The following NR2E1 variants were observed in gnomAD, a reference collection of about 807,000 sequenced individuals.
NR2E1 encodes the protein nuclear receptor TLX.
NR2E1 carries 5 observed loss-of-function variants against 43.6 expected under a neutral mutation model. The ratio of observed to expected loss-of-function variants is 0.11; its 90% confidence interval spans 0.06 to 0.24. The LOEUF is 0.24. Among genes scored for constraint, NR2E1 ranks in the 10% least tolerant of loss-of-function variants. The probability of loss-of-function intolerance (pLI) is 1.00; values close to 1 mark genes in which losing one functional copy is unlikely to be tolerated. For missense variants in NR2E1, 287 were observed against 496.7 expected (o/e 0.58, Z 4.01); for synonymous variants, 191 against 195.5 (o/e 0.98, Z 0.19).
At chr6:108,186,250 C>G (rs1774073521) in intron 8 of NR2E1, among the ~76,000 whole-genome samples, 1 of 152,052 alleles carries the variant, frequency 6.6e-6, no homozygotes, top group Non-Finnish European at 1.5e-5. Flanking sequence ...AGTGAAAGAG[C>G]CAGCTGAGGT....
chr6:108,182,023 G>A (rs901359702), intron 8 of NR2E1, among the ~76,000 whole-genome samples: 1 of 152,096 alleles, frequency 6.6e-6, no homozygotes, highest in South Asian at 2.1e-4. Flanking sequence ...GGATCACGAG[G>A]TCAGAAGATC....
At chr6:108,170,807 T>C (rs1467294824) in intron 1 of NR2E1, among the ~76,000 whole-genome samples, 1 of 152,088 alleles carries the variant, frequency 6.6e-6, no homozygotes, top group Non-Finnish European at 1.5e-5. Context: ...GCGGAGAAAA[T>C]AATTTTTTCC....
At chr6:108,176,082 T>G in intron 3 of NR2E1, 1 of 177,118 alleles carries the variant, frequency 5.6e-6, no homozygotes, top group South Asian at 1.5e-4. Flanking sequence ...GCTGGAAAAG[T>G]CTGCGCAGAA....
chr6:108,176,582 G>C lies in NR2E1; in HGVS notation c.339G>C (p.Glu113Asp), dbSNP rs752997658. The stretch of plus-strand genomic sequence containing the variant: ...TCTACTTCCGTGGACACAAGGAGGA[G>C]AACGGGGCCGCCGCGCACTTTCCCT... ...VALYFRGHKE[E>D]NGAAAHFPSA... The change falls in exon 4 of 9, where the codon GAG becomes GAC. Residue 113 changes from glutamate (E) to aspartate (D), a missense_variant. Transcript: ENST00000368986. 6 of 1,613,014 alleles carry C rather than the reference G, an allele frequency of 3.7e-6. No individual in the cohort carries two copies. In the East Asian group the frequency reaches 1.3e-4, roughly 36 times the overall value.
At chr6:108,184,814 T>A (rs1774047979) in intron 8 of NR2E1, among the ~76,000 whole-genome samples, 1 of 152,202 alleles carries the variant, frequency 6.6e-6, no homozygotes, top group Non-Finnish European at 1.5e-5. Context: ...AAGAAAATTA[T>A]GTGTGGAAAA....
intron 2 of NR2E1, among the ~76,000 whole-genome samples, chr6:108,172,367 G>A (rs1228676738): frequency 6.6e-6 from 1 of 152,216 alleles, no homozygotes; most frequent in Admixed American, 6.5e-5. Flanking sequence ...CCAGTCGGTT[G>A]TTTTGGTCTT....
chr6:108,175,541 T>G (rs1350465060), intron 3 of NR2E1, among the ~76,000 whole-genome samples: 2 of 152,198 alleles, frequency 1.3e-5, no homozygotes, highest in African/African-American at 2.4e-5. Flanking sequence ...CACCCAGCTC[T>G]CCCAAGGCTC....
At chr6:108,178,646 G>A (rs948124607) in intron 5 of NR2E1, among the ~76,000 whole-genome samples, 1 of 152,188 alleles carries the variant, frequency 6.6e-6, no homozygotes, top group Non-Finnish European at 1.5e-5. Context: ...GCCCTCATGA[G>A]ATTTTTCAGA....
chr6:108,175,433 G>A lies in NR2E1; in HGVS notation c.259+510G>A, dbSNP rs185033736. On this transcript the variant is annotated intron_variant, in intron 3 of 8. Coordinates refer to ENST00000368986, the MANE Select transcript of NR2E1 (RefSeq NM_003269.5). ...TCTCCAAGATGCCAAAATCAGTACG[G>A]CCATTGGGCCGATGTGAGTCCAGGG... 2.4e-3 allele frequency among the ~76,000 whole-genome samples: 371 copies of A among 152,382 alleles called. 1 individual carries two copies. Among genetic ancestry groups the A allele is most frequent in the African/African-American group, 8.2e-3 (339 of 41,590 alleles).
chr6:108,176,301 G>A lies in NR2E1; in HGVS notation c.260-202G>A, dbSNP rs147769892. ...GCACGGGCCCCTCTTCTAAGCCTCA[G>A]CTTCCGAATCTATTCAGTGTAGTGG... is the stretch of plus-strand genomic sequence containing the variant. On this transcript the variant is annotated intron_variant, in intron 3 of 8. Transcript: ENST00000368986. The A allele has an allele frequency of 4.7e-5, 28 of 600,984 alleles. No individual in the cohort carries two copies. The East Asian group carries it at 7.7e-4, about 17-fold the overall frequency. 37.2% of individuals were successfully genotyped at this position (600,984 alleles called of 1,614,324 possible). A position where few individuals can be genotyped will look rare whatever the true frequency, so the allele number is the denominator to read the frequency against.
intron 2 of NR2E1, among the ~76,000 whole-genome samples, chr6:108,174,540 G>T (rs217522): frequency 7.2e-5 from 11 of 152,022 alleles, no homozygotes; most frequent in African/African-American, 2.7e-4. Context: ...GGCCTGCGGG[G>T]TCTGCCAAAC....
chr6:108,171,102 C>T (rs575258218), intron 1 of NR2E1, among the ~76,000 whole-genome samples: 1 of 152,128 alleles, frequency 6.6e-6, no homozygotes, highest in East Asian at 1.9e-4. Flanking sequence ...AATGCAAAAG[C>T]GAAGGAGGGA....
intron 3 of NR2E1, 80 bp from the exon 4 acceptor site, chr6:108,176,422 GC>G: frequency 7.1e-7 from 1 of 1,416,878 alleles, no homozygotes. Context: ...TGACATTGGG[GC>G]GGGGCTGGGG....
intron 5 of NR2E1, among the ~76,000 whole-genome samples, chr6:108,179,636 C>A (rs528002282): frequency 6.6e-6 from 1 of 152,002 alleles, no homozygotes; most frequent in Admixed American, 6.6e-5. Flanking sequence ...CCTTCGACAA[C>A]AAGCAACCTG....
chr6:108,173,504 G>A (rs1246210476), intron 2 of NR2E1, among the ~76,000 whole-genome samples: 1 of 152,104 alleles, frequency 6.6e-6, no homozygotes, highest in African/African-American at 2.4e-5. Flanking sequence ...ATGAACATCT[G>A]TCCCACCTTT....
At chr6:108,176,218 A>G (rs1166362158) in intron 3 of NR2E1, 1 of 519,154 alleles carries the variant, frequency 1.9e-6, no homozygotes, top group African/African-American at 1.9e-5. Flanking sequence ...GGAGCCCTGG[A>G]CCGAAGGAGA....
chr6:108,174,056 C>T (rs1322022714), intron 2 of NR2E1, among the ~76,000 whole-genome samples: 1 of 152,282 alleles, frequency 6.6e-6, no homozygotes, highest in East Asian at 1.9e-4. Context: ...GTCCTGTTTA[C>T]ATGGTGAGCA....
At chr6:108,182,694 G>T (rs1261143184) in intron 8 of NR2E1, among the ~76,000 whole-genome samples, 1 of 151,918 alleles carries the variant, frequency 6.6e-6, no homozygotes, top group Non-Finnish European at 1.5e-5. Flanking sequence ...AAGTAGCTGG[G>T]ATTACAGGTG....
In NR2E1 at chr6:108,176,615, G is replaced by A. The variant is rs372537002; in HGVS notation, c.372G>A (p.Ala124=). ...CCGCCGCGCACTTTCCCTCGGCGGCGCTCCCTGCGCCGGCCTTCTTCACCG... is the reference window on the plus strand; with the variant it reads ...CCGCCGCGCACTTTCCCTCGGCGGCACTCCCTGCGCCGGCCTTCTTCACCG... ...NGAAAHFPSA[A]LPAPAFFTAV... Residue 124 remains alanine (A), a synonymous_variant, in exon 4 of 9, where the codon GCG becomes GCA. Coordinates refer to ENST00000368986, the MANE Select transcript of NR2E1 (RefSeq NM_003269.5). 1.8e-5 allele frequency: 29 copies of A among 1,611,588 alleles called. No individual in the cohort carries two copies. The highest frequency in any genetic ancestry group is 2.2e-5 in the Non-Finnish European group (26 of 1,179,704).
Sources: gnomAD v4.1 joint callset for allele counts (sites outside exome capture counted in the v4.1 genomes callset) on GRCh38, gnomAD v4.1.1 for gene constraint, MANE v1.5 for transcripts, NCBI Gene and HGNC (gene_info 2026-07-23, HGNC 2026-07-21) for gene names.